TRHDE: variants seen among roughly 807,000 people sequenced by gnomAD.
TRHDE encodes thyrotropin-releasing hormone-degrading ectoenzyme.
TRHDE carries 72 observed loss-of-function variants against 125.7 expected under a neutral mutation model. That is an observed-to-expected ratio of 0.57 (90% CI 0.47 to 0.70). The LOEUF is 0.70. TRHDE is among the 30% of genes least tolerant of loss of function. The pLI is 0.00. For synonymous variants in TRHDE, 509 were observed against 509.1 expected, an observed-to-expected ratio of 1.00 and a Z score of 0.00; for missense variants, 1,110 against 1,327.1, an observed-to-expected ratio of 0.84 and a Z score of 2.54.
At chr12:72,269,551 G>A (rs553186036), upstream of TRHDE, among the ~76,000 whole-genome samples, 12 of 152,148 alleles carry the variant, frequency 7.9e-5, no homozygotes, top group East Asian at 2.3e-3. Flanking sequence ...GAAATACAAA[G>A]AAGAACAGAT....
chr12:72,167,112 A>G (rs1341604917), intron 2 of TRHDE, among the ~76,000 whole-genome samples: 3 of 152,184 alleles, frequency 2.0e-5, no homozygotes, highest in Non-Finnish European at 4.4e-5. Context: ...ACTCTGAGAC[A>G]TGGTTCTTAA....
At chr12:72,326,404 C>T (rs771757119) in intron 2 of TRHDE, among the ~76,000 whole-genome samples, 10 of 151,902 alleles carry the variant, frequency 6.6e-5, no homozygotes, top group African/African-American at 1.4e-4. Context: ...TGTTGAGGGG[C>T]GCGGGGCTAG....
At chr12:72,092,559 G>A (rs1450658848) in intron 1 of TRHDE, among the ~76,000 whole-genome samples, 1 of 152,168 alleles carries the variant, frequency 6.6e-6, no homozygotes, top group South Asian at 2.1e-4. Flanking sequence ...AGCGACTATA[G>A]CATCCTTTCA....
At chr12:72,213,836 A>T (rs987831506) in intron 2 of TRHDE, among the ~76,000 whole-genome samples, 5 of 152,132 alleles carry the variant, frequency 3.3e-5, no homozygotes, top group Admixed American at 3.3e-4. Context: ...TATCACATAG[A>T]TCATCTAATT....
chr12:72,448,482 G>A (rs947284185), intron 3 of TRHDE, among the ~76,000 whole-genome samples: 1 of 152,002 alleles, frequency 6.6e-6, no homozygotes, highest in Non-Finnish European at 1.5e-5. Context: ...TCAGTGTTAA[G>A]CAGTTAATAA....
chr12:72,336,844 T>A (rs751354556), intron 2 of TRHDE, among the ~76,000 whole-genome samples: 2 of 152,140 alleles, frequency 1.3e-5, no homozygotes, highest in African/African-American at 2.4e-5. Flanking sequence ...AGAGCGCTCA[T>A]AACCTAGTGA....
At chr12:72,458,562 C>T (rs924659867) in intron 3 of TRHDE, among the ~76,000 whole-genome samples, 13 of 152,070 alleles carry the variant, frequency 8.5e-5, no homozygotes, top group African/African-American at 3.1e-4. Context: ...AAATCTTTTC[C>T]CCGACCCCAG....
intron 2 of TRHDE, among the ~76,000 whole-genome samples, chr12:72,306,177 T>G (rs1868338409): frequency 6.6e-6 from 1 of 152,236 alleles, no homozygotes; most frequent in African/African-American, 2.4e-5. Context: ...TAATCTAGTA[T>G]TTTGCAAGAG....
At chr12:72,518,701 G>T (rs1056167740) in intron 6 of TRHDE, among the ~76,000 whole-genome samples, 1 of 151,990 alleles carries the variant, frequency 6.6e-6, no homozygotes, top group Non-Finnish European at 1.5e-5. Flanking sequence ...ATGTTAGCTG[G>T]TTATTTTGCT....
At chr12:72,206,336 G>C (rs562280920) in intron 2 of TRHDE, among the ~76,000 whole-genome samples, 1 of 152,022 alleles carries the variant, frequency 6.6e-6, no homozygotes, top group Non-Finnish European at 1.5e-5. Flanking sequence ...CAGGCGATCC[G>C]CCTGCCTCGA....
intron 5 of TRHDE, among the ~76,000 whole-genome samples, chr12:72,495,921 T>C (rs1356742878): frequency 2.0e-5 from 3 of 152,204 alleles, no homozygotes; most frequent in Non-Finnish European, 4.4e-5. Flanking sequence ...ATATACTTGA[T>C]ATTACTGTAA....
intron 2 of TRHDE, among the ~76,000 whole-genome samples, chr12:72,131,992 C>T (rs911591938): frequency 1.3e-5 from 2 of 152,206 alleles, no homozygotes; most frequent in African/African-American, 2.4e-5. Flanking sequence ...ATACAACCTA[C>T]TATAGAGCTT....
intron 2 of TRHDE, among the ~76,000 whole-genome samples, chr12:72,323,028 A>G (rs547595751): frequency 1.3e-5 from 2 of 152,220 alleles, no homozygotes; most frequent in South Asian, 4.1e-4. Context: ...AGATTTCCAA[A>G]GTTCTTTCCA....
intron 2 of TRHDE, among the ~76,000 whole-genome samples, chr12:72,249,423 G>A (rs1878636695): frequency 6.6e-6 from 1 of 152,138 alleles, no homozygotes. Context: ...ATGGTGGTAT[G>A]TACCTGTAAT....
At chr12:72,183,649 T>A (rs942597368) in intron 2 of TRHDE, among the ~76,000 whole-genome samples, 1 of 152,136 alleles carries the variant, frequency 6.6e-6, no homozygotes, top group Non-Finnish European at 1.5e-5. Context: ...TGTTAATGGC[T>A]TTGTGTATCT....
intron 10 of TRHDE, among the ~76,000 whole-genome samples, chr12:72,572,192 T>G (rs191872407): frequency 6.6e-6 from 1 of 152,216 alleles, no homozygotes; most frequent in Non-Finnish European, 1.5e-5. Context: ...ACATTTTTAC[T>G]CTGGTTGACC....
chr12:72,287,543 A>G (rs1196469868), intron 2 of TRHDE, among the ~76,000 whole-genome samples: 4 of 151,774 alleles, frequency 2.6e-5, no homozygotes, highest in Admixed American at 2.6e-4. Flanking sequence ...ACTTCCATGC[A>G]TATTATCCTA....
chr12:72,151,302 G>A (rs1214245971), intron 2 of TRHDE, among the ~76,000 whole-genome samples: 3 of 151,692 alleles, frequency 2.0e-5, no homozygotes, highest in East Asian at 2.0e-4. Context: ...TTAGCCCTTT[G>A]TCAGATGAGT....
rs1189880713 is a variant in TRHDE at position 72,238,316 on chromosome 12, ATATATACATATATATATACACAT to A, written n.279+132571_279+132593del. ...TATATATATATATATATATATATATATATATACATATATATATACACATTATATATATATATATATATATATAC... is the reference window on the plus strand; with the variant it reads ...TATATATATATATATATATATATATATATATATATATATATATATATATAC... On this transcript the variant is annotated intron_variant and non_coding_transcript_variant, in intron 2 of 4. Transcript: ENST00000548156. Among the ~76,000 whole-genome samples the A allele has an allele frequency of 4.1e-4, 14 of 34,396 alleles. 2 individuals are homozygous for A. The highest frequency in any genetic ancestry group is 6.9e-4 in the Non-Finnish European group (11 of 15,906). The allele number at this position is 34,396 out of a possible 152,430, so 22.6% of individuals were successfully genotyped here. A position where few individuals can be genotyped will look rare whatever the true frequency, so the allele number is the denominator to read the frequency against.
Sources: allele counts gnomAD v4.1 joint callset (sites outside exome capture counted in the v4.1 genomes callset), GRCh38; gene constraint gnomAD v4.1.1; transcripts MANE v1.5; gene names NCBI Gene and HGNC (gene_info 2026-07-23, HGNC 2026-07-21).